The following GPC5 variants were observed in gnomAD, a reference collection of about 807,000 sequenced individuals.
The protein encoded by GPC5 is glypican-5.
A neutral mutation model predicts 53.9 loss-of-function variants in GPC5; 47 were observed. The observed-to-expected ratio is 0.87, with a 90% CI of 0.69 to 1.11. The LOEUF is 1.11. GPC5 is among the 50% of genes most tolerant of loss of function. The probability of loss-of-function intolerance (pLI) is 0.00; values close to 1 mark genes in which losing one functional copy is unlikely to be tolerated. For synonymous variants in GPC5, 286 were observed against 263.3 expected, an observed-to-expected ratio of 1.09 and a Z score of -0.84; for missense variants, 748 against 713.1, an observed-to-expected ratio of 1.05 and a Z score of -0.56.
intron 7 of GPC5, among the ~76,000 whole-genome samples, chr13:92,825,389 T>C (rs1877811200): frequency 6.6e-6 from 1 of 152,076 alleles, no homozygotes. Flanking sequence ...GCAATAAAAA[T>C]AAAGACAAGG....
chr13:92,053,743 T>G (rs1444857928), intron 6 of GPC5, among the ~76,000 whole-genome samples: 2 of 151,850 alleles, frequency 1.3e-5, no homozygotes, highest in African/African-American at 4.8e-5. Flanking sequence ...AAAAAATAGA[T>G]TTCATGGCCG....
intron 1 of GPC5, among the ~76,000 whole-genome samples, chr13:91,401,072 A>G (rs1292984713): frequency 6.6e-6 from 1 of 152,228 alleles, no homozygotes; most frequent in African/African-American, 2.4e-5. Flanking sequence ...GCTTAGAGAC[A>G]TCAGTGGTAC....
At chr13:92,750,842 GT>G (rs985725708) in intron 7 of GPC5, among the ~76,000 whole-genome samples, 1 of 152,030 alleles carries the variant, frequency 6.6e-6, no homozygotes, top group Non-Finnish European at 1.5e-5. Context: ...AACCCATCAT[GT>G]TTTTTGTTTA....
intron 2 of GPC5, among the ~76,000 whole-genome samples, chr13:91,571,494 A>T (rs1406934607): frequency 6.6e-6 from 1 of 151,954 alleles, no homozygotes; most frequent in African/African-American, 2.4e-5. Flanking sequence ...ATGTGTAAAA[A>T]TATATATTGT....
intron 7 of GPC5, among the ~76,000 whole-genome samples, chr13:92,658,436 G>GTATACCC (rs1428687131): frequency 1.3e-5 from 2 of 152,196 alleles, no homozygotes; most frequent in Non-Finnish European, 2.9e-5. Context: ...AATGTGACAT[G>GTATACCC]TATACCCTTT....
At chr13:91,509,401 G>A (rs1206000198) in intron 2 of GPC5, among the ~76,000 whole-genome samples, 1 of 150,662 alleles carries the variant, frequency 6.6e-6, no homozygotes, top group Non-Finnish European at 1.5e-5. Flanking sequence ...CATAAAGAAG[G>A]CTTAACATAT....
At chr13:91,735,989 A>T (rs163729) in intron 4 of GPC5, among the ~76,000 whole-genome samples, 1 of 150,872 alleles carries the variant, frequency 6.6e-6, no homozygotes, top group Non-Finnish European at 1.5e-5. Context: ...AATCTCATTG[A>T]GATTACAGAG....
chr13:91,680,702 G>A (rs932004000), intron 2 of GPC5, among the ~76,000 whole-genome samples: 6 of 152,162 alleles, frequency 3.9e-5, no homozygotes, highest in Non-Finnish European at 8.8e-5. Flanking sequence ...CCTATTAAAT[G>A]AAAAGGCTGC....
intron 6 of GPC5, among the ~76,000 whole-genome samples, chr13:91,940,710 C>T (rs185550821): frequency 7.2e-5 from 11 of 152,124 alleles, no homozygotes; most frequent in Admixed American, 6.6e-4. Flanking sequence ...AATGGTATCT[C>T]GCTGTGGTTT....
intron 5 of GPC5, among the ~76,000 whole-genome samples, chr13:91,758,979 C>T (rs1287322864): frequency 6.6e-6 from 1 of 152,074 alleles, no homozygotes; most frequent in Non-Finnish European, 1.5e-5. Context: ...GCATATGAGC[C>T]TCACACACTC....
At chr13:92,031,858 T>C (rs1364381335) in intron 6 of GPC5, among the ~76,000 whole-genome samples, 2 of 83,234 alleles carry the variant, frequency 2.4e-5, no homozygotes, top group South Asian at 3.0e-4. Context: ...TTATATATAA[T>C]ATATATATTA....
At chr13:91,540,215 G>T (rs1263611739) in intron 2 of GPC5, among the ~76,000 whole-genome samples, 1 of 152,118 alleles carries the variant, frequency 6.6e-6, no homozygotes, top group Admixed American at 6.5e-5. Context: ...CTAACAGCTG[G>T]CCCTTCCAGA....
chr13:92,491,307 A>C (rs1017356902), intron 7 of GPC5, among the ~76,000 whole-genome samples: 4 of 152,146 alleles, frequency 2.6e-5, no homozygotes, highest in Non-Finnish European at 5.9e-5. Context: ...AGTCCACAAA[A>C]ATAGGGACTA....
chr13:92,014,653 A>G (rs556089194), intron 6 of GPC5, among the ~76,000 whole-genome samples: 19 of 152,260 alleles, frequency 1.2e-4, no homozygotes, highest in African/African-American at 3.9e-4. Context: ...GTGTGTTACA[A>G]TATTTTACAA....
chr13:92,161,443 A>T (rs2041987295), intron 7 of GPC5, among the ~76,000 whole-genome samples: 1 of 152,208 alleles, frequency 6.6e-6, no homozygotes, highest in South Asian at 2.1e-4. Context: ...CTTAATTAAC[A>T]TTAAAAACCA....
chr13:92,175,443 TTGAAGA>T (rs2042102797), intron 7 of GPC5, among the ~76,000 whole-genome samples: 1 of 152,184 alleles, frequency 6.6e-6, no homozygotes, highest in Non-Finnish European at 1.5e-5. Flanking sequence ...TCTAATAAAG[TTGAAGA>T]ACATTTGAAT....
chr13:92,099,304 C>T (rs1020607344), intron 6 of GPC5, among the ~76,000 whole-genome samples: 2 of 152,102 alleles, frequency 1.3e-5, no homozygotes, highest in Admixed American at 6.6e-5. Context: ...TAAAGCTATC[C>T]GTACATGGCT....
At position 91,450,355 on chromosome 13, in the gene GPC5, T is replaced by C. The variant is rs544918395; in HGVS notation, c.325+1433T>C. On this transcript the variant is annotated intron_variant, in intron 2 of 7. Transcript: ENST00000377067. ...TATTTTCTTCCAATGAAAAGGATAG[T>C]AGGTACAATATGAAATATACATTTT... Among the ~76,000 whole-genome samples the C allele has an allele frequency of 7.9e-5, 12 of 152,268 alleles. No homozygotes were observed. The South Asian group carries it at 2.5e-3, about 32-fold the overall frequency.
chr13:91,499,328 A>G (rs1884490595), intron 2 of GPC5, among the ~76,000 whole-genome samples: 1 of 152,170 alleles, frequency 6.6e-6, no homozygotes, highest in African/African-American at 2.4e-5. Context: ...GGAGACAAAA[A>G]TCTGAGTCCT....
Sources: allele counts gnomAD v4.1 joint callset (sites outside exome capture counted in the v4.1 genomes callset), GRCh38; gene constraint gnomAD v4.1.1; transcripts MANE v1.5; gene names NCBI Gene and HGNC (gene_info 2026-07-23, HGNC 2026-07-21).